ADCY2: variants seen among roughly 807,000 people sequenced by gnomAD.
The protein encoded by ADCY2 is adenylate cyclase type 2.
ADCY2 carries 31 observed loss-of-function variants against 125.2 expected under a neutral mutation model. That is an observed-to-expected ratio of 0.25 (90% CI 0.19 to 0.33). ADCY2 has a LOEUF of 0.33. ADCY2 is among the 10% of genes least tolerant of loss of function. The pLI is 1.00. For synonymous variants in ADCY2, 512 were observed against 548.4 expected (o/e 0.93, Z 0.93); for missense variants, 904 against 1,418.2 (o/e 0.64, Z 5.82).
intron 17 of ADCY2, among the ~76,000 whole-genome samples, chr5:7,767,362 G>C (rs963328040): frequency 6.6e-6 from 1 of 152,062 alleles, no homozygotes; most frequent in African/African-American, 2.4e-5. Context: ...TGGAGAGTTA[G>C]GTCAGTTATT....
At chr5:7,748,238 T>C (rs976897057) in intron 15 of ADCY2, among the ~76,000 whole-genome samples, 2 of 152,164 alleles carry the variant, frequency 1.3e-5, no homozygotes, top group African/African-American at 4.8e-5. Flanking sequence ...TGTAAAGGAA[T>C]GTGTGGGTGA....
intron 2 of ADCY2, among the ~76,000 whole-genome samples, chr5:7,431,611 C>T (rs1740605228): frequency 6.6e-6 from 1 of 151,524 alleles, no homozygotes; most frequent in South Asian, 2.1e-4. Flanking sequence ...CATTCAAGGG[C>T]ATTGTTATGA....
intron 3 of ADCY2, among the ~76,000 whole-genome samples, chr5:7,579,385 C>T: frequency 6.6e-6 from 1 of 152,056 alleles, no homozygotes. Context: ...AACATCACTA[C>T]AGTAGCTAAA....
At chr5:7,641,425 T>A (rs1738710717) in intron 4 of ADCY2, among the ~76,000 whole-genome samples, 1 of 152,206 alleles carries the variant, frequency 6.6e-6, no homozygotes, top group South Asian at 2.1e-4. Flanking sequence ...GAAGCTGTTT[T>A]TTCTCTTATT....
chr5:7,410,327 T>TC (rs542508086), intron 1 of ADCY2, among the ~76,000 whole-genome samples: 8 of 146,640 alleles, frequency 5.5e-5, no homozygotes, highest in African/African-American at 2.0e-4. Flanking sequence ...ATAGTACTGT[T>TC]CAAAAAAAAA....
chr5:7,822,364 A>G (rs1745328177), intron 24 of ADCY2, among the ~76,000 whole-genome samples: 1 of 152,234 alleles, frequency 6.6e-6, no homozygotes, highest in Non-Finnish European at 1.5e-5. Context: ...CTAGAATTTC[A>G]TTCAATTTTA....
At chr5:7,699,035 C>A (rs939022050) in intron 7 of ADCY2, among the ~76,000 whole-genome samples, 16 of 146,154 alleles carry the variant, frequency 1.1e-4, no homozygotes, top group African/African-American at 4.0e-4. Context: ...TTCTCCACAT[C>A]CTCTCCAGCA....
intron 18 of ADCY2, among the ~76,000 whole-genome samples, chr5:7,778,668 C>T (rs1330648654): frequency 6.6e-5 from 10 of 152,164 alleles, no homozygotes; most frequent in Admixed American, 6.5e-4. Flanking sequence ...TAAGCACCTT[C>T]CTTGTGGTAT....
intron 2 of ADCY2, among the ~76,000 whole-genome samples, chr5:7,453,974 C>A (rs1379154652): frequency 6.6e-6 from 1 of 152,178 alleles, no homozygotes; most frequent in Non-Finnish European, 1.5e-5. Context: ...ATGCTGATCA[C>A]CAGTTTCAGG....
At chr5:7,650,492 TATAA>T (rs773130875) in intron 4 of ADCY2, among the ~76,000 whole-genome samples, 9 of 152,208 alleles carry the variant, frequency 5.9e-5, no homozygotes, top group Non-Finnish European at 1.2e-4. Flanking sequence ...GTACGAACTA[TATAA>T]GTGGAATGTA....
chr5:7,584,703 TTTTA>T (rs1226687098), intron 3 of ADCY2, among the ~76,000 whole-genome samples: 1 of 152,146 alleles, frequency 6.6e-6, no homozygotes, highest in Non-Finnish European at 1.5e-5. Flanking sequence ...CTTGTAAAAT[TTTTA>T]TTTATCAGAA....
intron 2 of ADCY2, 21 bp from the exon 3 acceptor site, chr5:7,520,717 G>C (rs1186527799): frequency 3.1e-6 from 5 of 1,613,346 alleles, no homozygotes; most frequent in African/African-American, 1.3e-5. Flanking sequence ...GACTCTTATT[G>C]TTCTTCTTCT....
chr5:7,626,867 AG>A (rs1738148402), intron 4 of ADCY2, among the ~76,000 whole-genome samples: 1 of 152,174 alleles, frequency 6.6e-6, no homozygotes, highest in Admixed American at 6.5e-5. Context: ...GGAGAGGACA[AG>A]CATCTAAACT....
chr5:7,524,251 T>A (rs1458153356), intron 3 of ADCY2, among the ~76,000 whole-genome samples: 1 of 152,234 alleles, frequency 6.6e-6, no homozygotes, highest in Non-Finnish European at 1.5e-5. Context: ...AATAACAGAC[T>A]TACCAATAAG....
intron 1 of ADCY2, among the ~76,000 whole-genome samples, chr5:7,399,744 T>C (rs1561004229): frequency 6.6e-6 from 1 of 152,222 alleles, no homozygotes; most frequent in African/African-American, 2.4e-5. Context: ...AGAGTATTCA[T>C]GAAAAATCTG....
intron 15 of ADCY2, among the ~76,000 whole-genome samples, chr5:7,756,285 A>G (rs184193013): frequency 6.6e-6 from 1 of 152,324 alleles, no homozygotes. Flanking sequence ...AAGATGGGTG[A>G]GCTTATGCAC....
chr5:7,496,595 G>A (rs1367558161), intron 2 of ADCY2, among the ~76,000 whole-genome samples: 1 of 151,994 alleles, frequency 6.6e-6, no homozygotes, highest in Admixed American at 6.6e-5. Flanking sequence ...CAATTTTGTT[G>A]TTAAAATAAA....
chr5:7,719,602 C>T (rs1428044332), intron 12 of ADCY2, among the ~76,000 whole-genome samples: 2 of 152,216 alleles, frequency 1.3e-5, no homozygotes, highest in African/African-American at 4.8e-5. Flanking sequence ...GTTGAACACG[C>T]ATTTGTTAAA....
intron 3 of ADCY2, among the ~76,000 whole-genome samples, chr5:7,624,912 A>G (rs1235174787): frequency 6.6e-6 from 1 of 152,192 alleles, no homozygotes; most frequent in African/African-American, 2.4e-5. Context: ...AGATGTGTCT[A>G]TCCACTCACA....
Sources: gnomAD v4.1 joint callset for allele counts (sites outside exome capture counted in the v4.1 genomes callset) on GRCh38, gnomAD v4.1.1 for gene constraint, MANE v1.5 for transcripts, NCBI Gene and HGNC (gene_info 2026-07-23, HGNC 2026-07-21) for gene names.